Variants in CAMKMT observed in about 807,000 individuals in gnomAD.
CAMKMT encodes the protein CaM KMT.
CAMKMT carries 53 observed loss-of-function variants against 48.0 expected under a neutral mutation model. The ratio of observed to expected loss-of-function variants is 1.10; its 90% CI spans 0.89 to 1.39. CAMKMT has a LOEUF of 1.39. Among genes scored for constraint, CAMKMT ranks in the 40% most tolerant of loss-of-function variants. CAMKMT has a pLI of 0.00. For missense variants in CAMKMT, 428 were observed against 402.7 expected, an observed-to-expected ratio of 1.06 and a Z score of -0.54; for synonymous variants, 165 against 152.3, an observed-to-expected ratio of 1.08 and a Z score of -0.61.
At chr2:44,510,529 C>G (rs1670486606) in intron 3 of CAMKMT, among the ~76,000 whole-genome samples, 1 of 152,136 alleles carries the variant, frequency 6.6e-6, no homozygotes, top group African/African-American at 2.4e-5. Context: ...CTATTTTCCC[C>G]TTTGTAATTA....
intron 3 of CAMKMT, among the ~76,000 whole-genome samples, chr2:44,507,663 T>C (rs1407916093): frequency 6.6e-6 from 1 of 152,224 alleles, no homozygotes; most frequent in Non-Finnish European, 1.5e-5. Context: ...ACATGTTTCA[T>C]TAAGTTTAAT....
intron 3 of CAMKMT, among the ~76,000 whole-genome samples, chr2:44,511,015 A>G (rs1046822011): frequency 1.3e-5 from 2 of 151,918 alleles, no homozygotes; most frequent in African/African-American, 2.4e-5. Context: ...TCATTTTTGT[A>G]TTTTTAGTAG....
At chr2:44,366,903 T>C (rs1364465722) in intron 1 of CAMKMT, among the ~76,000 whole-genome samples, 5 of 152,018 alleles carry the variant, frequency 3.3e-5, no homozygotes, top group East Asian at 1.9e-4. Context: ...TGTATTTTTT[T>C]TGGCAGGGAT....
At chr2:44,708,849 G>A (rs192008103) in intron 6 of CAMKMT, among the ~76,000 whole-genome samples, 17 of 151,980 alleles carry the variant, frequency 1.1e-4, no homozygotes, top group African/African-American at 3.4e-4. Flanking sequence ...TTGGACAAGA[G>A]AAGATTATTT....
chr2:44,747,291 T>A (rs988602708), intron 8 of CAMKMT, among the ~76,000 whole-genome samples: 2 of 152,124 alleles, frequency 1.3e-5, no homozygotes, highest in Admixed American at 6.5e-5. Context: ...TTTGTGAAAA[T>A]TTTTTTCCCT....
chr2:44,468,079 T>A (rs1668223199), intron 3 of CAMKMT, among the ~76,000 whole-genome samples: 2 of 152,142 alleles, frequency 1.3e-5, no homozygotes, highest in African/African-American at 2.4e-5. Flanking sequence ...ACTGGAAGAA[T>A]GGGAGACAAT....
At chr2:44,454,176 G>A (rs909336724) in intron 3 of CAMKMT, among the ~76,000 whole-genome samples, 1 of 152,086 alleles carries the variant, frequency 6.6e-6, no homozygotes, top group Non-Finnish European at 1.5e-5. Context: ...AATAGGGTAA[G>A]TCAGAGTGAG....
chr2:44,708,671 A>G (rs186926), intron 6 of CAMKMT, among the ~76,000 whole-genome samples: 37,449 of 151,956 alleles, frequency 0.25, 6,069 homozygotes, highest in African/African-American at 0.46. Context: ...GAAGATGAGC[A>G]GATGTTTTTT....
chr2:44,718,111 G>C (rs1233868664), intron 7 of CAMKMT, among the ~76,000 whole-genome samples: 2 of 152,252 alleles, frequency 1.3e-5, no homozygotes, highest in East Asian at 3.9e-4. Flanking sequence ...GCTTGTCCAA[G>C]GGCCTTGGAA....
At chr2:44,723,555 C>A (rs1384752962) in intron 7 of CAMKMT, among the ~76,000 whole-genome samples, 2 of 151,528 alleles carry the variant, frequency 1.3e-5, no homozygotes, top group Admixed American at 1.3e-4. Context: ...CACACCACTG[C>A]ACTCCAGCCC....
intron 3 of CAMKMT, among the ~76,000 whole-genome samples, chr2:44,614,538 C>T (rs1178690740): frequency 2.6e-5 from 4 of 152,028 alleles, no homozygotes; most frequent in Non-Finnish European, 5.9e-5. Context: ...CTCTTATGAG[C>T]AAGATAAGCA....
chr2:44,724,544 G>A (rs538109933), intron 7 of CAMKMT, among the ~76,000 whole-genome samples: 41 of 152,238 alleles, frequency 2.7e-4, no homozygotes, highest in African/African-American at 9.4e-4. Context: ...AGCATGCTTC[G>A]AGAAGCCCAT....
At position 44,409,812 on chromosome 2, in the gene CAMKMT, A is replaced by T. The variant is rs374075537; in HGVS notation, c.376+19507A>T. Among the ~76,000 whole-genome samples, 5 of 152,268 alleles carry T rather than the reference A, an allele frequency of 3.3e-5. No homozygotes were observed. The East Asian group carries it at 9.6e-4, about 29-fold the overall frequency. ...AAAATGCAGAGAAGCAATATGATGGAGATGTATGTAAGGACTGTGTCGTTT... is the reference window on the plus strand; with the variant it reads ...AAAATGCAGAGAAGCAATATGATGGTGATGTATGTAAGGACTGTGTCGTTT... On this transcript the variant is annotated intron_variant, in intron 3 of 10. Transcript: ENST00000378494.
intron 3 of CAMKMT, among the ~76,000 whole-genome samples, chr2:44,393,104 CAG>C (rs776372176): frequency 1.2e-4 from 18 of 152,228 alleles, no homozygotes; most frequent in South Asian, 1.0e-3. Flanking sequence ...TTTTGAATAT[CAG>C]GGGATGATTA....
chr2:44,622,191 G>A (rs1672235070), intron 3 of CAMKMT, among the ~76,000 whole-genome samples: 1 of 152,050 alleles, frequency 6.6e-6, no homozygotes. Flanking sequence ...AATGGCCTTG[G>A]CTTCTCGTTC....
At chr2:44,608,107 C>G (rs1285522440) in intron 3 of CAMKMT, among the ~76,000 whole-genome samples, 2 of 136,726 alleles carry the variant, frequency 1.5e-5, no homozygotes, top group African/African-American at 5.6e-5. Flanking sequence ...GAGTCTTGCT[C>G]CGTCGCCCAG....
At chr2:44,522,861 C>T (rs1047076525) in intron 3 of CAMKMT, among the ~76,000 whole-genome samples, 2 of 152,160 alleles carry the variant, frequency 1.3e-5, no homozygotes, top group Admixed American at 1.3e-4. Flanking sequence ...CAAGAATAAG[C>T]CAGGTAGCAC....
At chr2:44,576,065 G>A (rs535063891) in intron 3 of CAMKMT, among the ~76,000 whole-genome samples, 4 of 151,998 alleles carry the variant, frequency 2.6e-5, no homozygotes, top group Non-Finnish European at 4.4e-5. Context: ...AGTGGCTCAC[G>A]CCTGCAATCC....
intron 3 of CAMKMT, among the ~76,000 whole-genome samples, chr2:44,635,651 T>C (rs970818605): frequency 6.6e-5 from 10 of 152,200 alleles, no homozygotes; most frequent in Non-Finnish European, 2.9e-5. Flanking sequence ...ATTCTGAATA[T>C]GACTTTTATT....
Sources: gnomAD v4.1 joint callset for allele counts (sites outside exome capture counted in the v4.1 genomes callset) on GRCh38, gnomAD v4.1.1 for gene constraint, MANE v1.5 for transcripts, NCBI Gene and HGNC (gene_info 2026-07-23, HGNC 2026-07-21) for gene names.